COL25A1: variants seen among roughly 807,000 people sequenced by gnomAD.
COL25A1 encodes collagen type XXV alpha 1 chain, also known as collagen alpha-1(XXV) chain.
Under a neutral mutation model 128.4 loss-of-function variants are expected in COL25A1, and 103 were observed. That is an observed-to-expected ratio of 0.80 (90% CI 0.68 to 0.94). The LOEUF is 0.94. Among genes scored for constraint, COL25A1 ranks in the 40% least tolerant of loss-of-function variants. COL25A1 has a pLI of 0.00. For synonymous variants in COL25A1, 279 were observed against 277.2 expected (o/e 1.01, Z -0.06); for missense variants, 745 against 840.0 (o/e 0.89, Z 1.40).
intron 3 of COL25A1, among the ~76,000 whole-genome samples, chr4:109,268,052 A>G (rs1781910153): frequency 2.0e-5 from 3 of 152,192 alleles, no homozygotes; most frequent in African/African-American, 7.2e-5. Flanking sequence ...TAACCATAAA[A>G]TCTGCACTGC....
chr4:108,979,900 C>T (rs1288770708), intron 6 of COL25A1, among the ~76,000 whole-genome samples: 1 of 151,990 alleles, frequency 6.6e-6, no homozygotes, highest in East Asian at 1.9e-4. Flanking sequence ...TGAAAAGATG[C>T]TATTGGAACT....
chr4:108,894,057 A>G (rs545674411), intron 16 of COL25A1, among the ~76,000 whole-genome samples: 1 of 152,208 alleles, frequency 6.6e-6, no homozygotes, highest in Non-Finnish European at 1.5e-5. Context: ...GTTGATTTCA[A>G]TTTCCATGTG....
chr4:108,870,370 C>T (rs944254748), intron 19 of COL25A1, among the ~76,000 whole-genome samples: 1 of 151,420 alleles, frequency 6.6e-6, no homozygotes, highest in Non-Finnish European at 1.5e-5. Flanking sequence ...AAAAGGATAT[C>T]ACCACCACCA....
chr4:109,234,287 A>G (rs1779335268), intron 3 of COL25A1, among the ~76,000 whole-genome samples: 1 of 152,092 alleles, frequency 6.6e-6, no homozygotes, highest in South Asian at 2.1e-4. Context: ...TTCTCCTTCA[A>G]GACTGTGCCT....
chr4:109,247,315 A>G (rs1160051166), intron 3 of COL25A1, among the ~76,000 whole-genome samples: 1 of 151,964 alleles, frequency 6.6e-6, no homozygotes, highest in African/African-American at 2.4e-5. Flanking sequence ...GAACCACTGC[A>G]CTCCAGCCTG....
At position 108,980,335 on chromosome 4, in the gene COL25A1, G is replaced by A. The variant is rs77945573; in HGVS notation, c.439-5776C>T. 7.5e-3 allele frequency among the ~76,000 whole-genome samples: 1,149 copies of A among 152,296 alleles called. 9 individuals carry two copies. Among genetic ancestry groups the A allele is most frequent in the African/African-American group, 0.026 (1,079 of 41,570 alleles). ...ACATTTCTCAAGTAAAAAACAACAA[G>A]ACTGGTTAACTGATTGGACATGGGG... On this transcript the variant is annotated intron_variant, in intron 6 of 37. Coordinates refer to ENST00000399132, the MANE Select transcript of COL25A1 (RefSeq NM_198721.4).
chr4:109,098,658 A>G (rs1281790988), intron 3 of COL25A1, among the ~76,000 whole-genome samples: 2 of 152,212 alleles, frequency 1.3e-5, no homozygotes, highest in Admixed American at 1.3e-4. Flanking sequence ...TTCTTTATTC[A>G]CATTAGTATT....
chr4:108,949,699 A>G (rs1413310153), intron 8 of COL25A1, among the ~76,000 whole-genome samples: 1 of 150,680 alleles, frequency 6.6e-6, no homozygotes, highest in Non-Finnish European at 1.5e-5. Context: ...ACGCCTGCTA[A>G]TTTTTTTTTG....
chr4:109,021,566 C>A (rs1013608272), intron 5 of COL25A1, among the ~76,000 whole-genome samples: 1 of 152,020 alleles, frequency 6.6e-6, no homozygotes, highest in Non-Finnish European at 1.5e-5. Context: ...AATCAGTGCA[C>A]CTTGAAAATG....
chr4:108,896,585 C>G (rs1169632642), intron 16 of COL25A1, 82 bp downstream of exon 16: 6 of 1,166,934 alleles, frequency 5.1e-6, no homozygotes, highest in Non-Finnish European at 7.7e-6. Flanking sequence ...TCACTCATCT[C>G]TCTAAAAATC....
chr4:109,139,260 T>C (rs939283684), intron 3 of COL25A1, among the ~76,000 whole-genome samples: 1 of 152,204 alleles, frequency 6.6e-6, no homozygotes, highest in Non-Finnish European at 1.5e-5. Flanking sequence ...GCAAAAATTT[T>C]CTTCCATTCT....
In COL25A1 at chr4:109,019,373, C is replaced by CATATATAT. The variant is rs1271683280; in HGVS notation, c.421-8999_421-8998insATATATAT. ...ATACACACACACACACACACACACA[C>CATATATAT]ACATATATATATATATATATATATA... is the stretch of plus-strand genomic sequence containing the variant. On this transcript the variant is annotated intron_variant, in intron 5 of 37. Transcript: ENST00000399132. Among the ~76,000 whole-genome samples the CATATATAT allele has an allele frequency of 4.7e-3, 150 of 31,848 alleles. 1 individual carries two copies. Among genetic ancestry groups the CATATATAT allele is most frequent in the South Asian group, 7.4e-3 (9 of 1,220 alleles). The allele number at this position is 31,848 out of a possible 152,430, so 20.9% of individuals were successfully genotyped here.
intron 6 of COL25A1, among the ~76,000 whole-genome samples, chr4:108,988,604 T>C (rs1159686602): frequency 1.3e-5 from 2 of 152,236 alleles, no homozygotes; most frequent in East Asian, 1.9e-4. Flanking sequence ...CATTTTTGGC[T>C]CCTGTTTCCC....
At chr4:109,024,853 C>T (rs1404853504) in intron 5 of COL25A1, among the ~76,000 whole-genome samples, 1 of 152,008 alleles carries the variant, frequency 6.6e-6, no homozygotes, top group Non-Finnish European at 1.5e-5. Flanking sequence ...CTCAAAAATT[C>T]AGTAAGTAAG....
intron 8 of COL25A1, among the ~76,000 whole-genome samples, chr4:108,969,079 C>T (rs1218258669): frequency 6.6e-6 from 1 of 152,186 alleles, no homozygotes; most frequent in Non-Finnish European, 1.5e-5. Flanking sequence ...GTTCAAGTGT[C>T]CTCAAGACTC....
intron 3 of COL25A1, among the ~76,000 whole-genome samples, chr4:109,224,436 T>C (rs1778643298): frequency 6.6e-6 from 1 of 152,186 alleles, no homozygotes; most frequent in African/African-American, 2.4e-5. Context: ...TAAATATCAG[T>C]CATCTTAACT....
chr4:108,992,309 G>T (rs1754310011), intron 6 of COL25A1, among the ~76,000 whole-genome samples: 1 of 152,144 alleles, frequency 6.6e-6, no homozygotes, highest in South Asian at 2.1e-4. Context: ...TTAATACAAT[G>T]TCCTACTATT....
intron 13 of COL25A1, among the ~76,000 whole-genome samples, chr4:108,911,438 T>A (rs775795717): frequency 0.45 from 68,053 of 149,970 alleles, 18,117 homozygotes; most frequent in East Asian, 0.93. Flanking sequence ...CTATAGATTT[T>A]TCATATAATT....
chr4:109,296,717 T>C (rs946779394), intron 3 of COL25A1, among the ~76,000 whole-genome samples: 1 of 152,114 alleles, frequency 6.6e-6, no homozygotes, highest in Non-Finnish European at 1.5e-5. Flanking sequence ...AACTTTGGAT[T>C]CTTTATTCCG....
Sources: allele counts gnomAD v4.1 joint callset (sites outside exome capture counted in the v4.1 genomes callset), GRCh38; gene constraint gnomAD v4.1.1; transcripts MANE v1.5; gene names NCBI Gene and HGNC (gene_info 2026-07-23, HGNC 2026-07-21).